The following MXD1 variants were observed in gnomAD, a reference collection of about 807,000 sequenced individuals.
MXD1 encodes MAX-binding protein.
A neutral mutation model predicts 25.7 loss-of-function variants in MXD1; 9 were observed. The observed-to-expected ratio is 0.35, with a 90% CI of 0.21 to 0.61. MXD1 has a LOEUF of 0.61. Ranked by LOEUF, MXD1 falls within the 20% of genes least tolerant of loss-of-function variation. The pLI is 0.75. For missense variants in MXD1, 227 were observed against 292.4 expected (o/e 0.78, Z 1.63); for synonymous variants, 99 against 113.9 (o/e 0.87, Z 0.83).
chr2:69,927,284 G>A (rs1331840648), intron 3 of MXD1, among the ~76,000 whole-genome samples: 2 of 152,206 alleles, frequency 1.3e-5, no homozygotes, highest in Non-Finnish European at 2.9e-5. Flanking sequence ...GGTATGCATT[G>A]CATCACTCTT....
At chr2:69,921,470 T>C (rs1677063181) in intron 2 of MXD1, among the ~76,000 whole-genome samples, 1 of 152,226 alleles carries the variant, frequency 6.6e-6, no homozygotes. Context: ...ACCCCTTTTA[T>C]TTCTTGTCTT....
chr2:69,923,774 TAGTC>T (rs1274545246), intron 3 of MXD1, among the ~76,000 whole-genome samples: 4 of 152,240 alleles, frequency 2.6e-5, no homozygotes, highest in Non-Finnish European at 5.9e-5. Context: ...AGGGGAAAGG[TAGTC>T]AGTTGTGGCT....
chr2:69,937,171 C>CG, intron 4 of MXD1, 64 bp from the exon 5 acceptor site: 1 of 1,587,904 alleles, frequency 6.3e-7, no homozygotes, highest in Non-Finnish European at 8.6e-7. Flanking sequence ...AGGGAAGATG[C>CG]GGGGGCCATT....
In MXD1 at chr2:69,935,429, G is replaced by A. The variant is rs187886106; in HGVS notation, c.282G>A (p.Thr94=). ...GACCCGAATCAAGTCGACACACTAC[G>A]TTGAGTTTATTAACAAAAGCCAAAT... is the stretch of plus-strand genomic sequence containing the variant. The part of the protein sequence containing the change: ...PLGPESSRHT[T]LSLLTKAKLH... The change falls in exon 4 of 6, where the codon ACG becomes ACA. Residue 94 remains threonine, a synonymous_variant. Transcript: ENST00000264444. 78 of 1,614,046 alleles carry A rather than the reference G, an allele frequency of 4.8e-5. No homozygotes were observed. Among genetic ancestry groups the A allele is most frequent in the Admixed American group, 3.5e-4 (21 of 60,008 alleles).
intron 3 of MXD1, among the ~76,000 whole-genome samples, chr2:69,932,633 T>G (rs1019575193): frequency 1.3e-5 from 2 of 152,228 alleles, no homozygotes; most frequent in African/African-American, 4.8e-5. Flanking sequence ...ATTTCTAGTT[T>G]CACGACTAGG....
chr2:69,937,228 C>T lies in MXD1; in HGVS notation c.319-7C>T, dbSNP rs1677471065. 6.2e-7 allele frequency: 1 copy of T among 1,612,648 alleles called. No homozygotes were observed. Among genetic ancestry groups the T allele is most frequent in the Non-Finnish European group, 8.5e-7 (1 of 1,178,980 alleles). On this transcript the variant is annotated splice_region_variant and splice_polypyrimidine_tract_variant and intron_variant, in intron 4 of 5. Transcript: ENST00000264444. ...TGGGGCCCAACAACTACCCCTTTGA[C>T]TTGCAGAAACTTGAAGATTGTGACA...
rs1677585508 is a variant in MXD1 at position 69,941,040 on chromosome 2, T to C, written c.*2756T>C. 6.6e-6 allele frequency: 1 copy of C among 152,396 alleles called. No individual in the cohort carries two copies. Among genetic ancestry groups the C allele is most frequent in the South Asian group, 2.1e-4 (1 of 4,836 alleles). 9.4% of individuals were successfully genotyped at this position (152,396 alleles called of 1,614,324 possible). ...TAGGGATTTTGGGGTTGGGAGGGGA[T>C]GGGCAGAGATATAAACCCCAGCCTT... On this transcript the variant is annotated 3_prime_UTR_variant, in exon 6 of 6. Coordinates refer to ENST00000264444, the MANE Select transcript of MXD1 (RefSeq NM_002357.4).
At chr2:69,935,320 C>G in intron 3 of MXD1, 31 bp from the exon 4 acceptor site, 1 of 1,538,552 alleles carries the variant, frequency 6.5e-7, no homozygotes, top group South Asian at 1.1e-5. Flanking sequence ...CTGTGAAACT[C>G]TCAAATGCTA....
chr2:69,925,248 A>ATGTGTG (rs59577798), intron 3 of MXD1, among the ~76,000 whole-genome samples: 46 of 149,690 alleles, frequency 3.1e-4, no homozygotes, highest in African/African-American at 1.0e-3. Context: ...AGGGTGGGGT[A>ATGTGTG]TGTGTGTGTG....
At chr2:69,933,848 C>A (rs1334748742) in intron 3 of MXD1, among the ~76,000 whole-genome samples, 1 of 152,170 alleles carries the variant, frequency 6.6e-6, no homozygotes, top group Non-Finnish European at 1.5e-5. Flanking sequence ...AAGGGCAAAC[C>A]TATAAGGCAT....
chr2:69,935,499 ACC>A, intron 4 of MXD1, 34 bp downstream of exon 4: 3 of 1,426,786 alleles, frequency 2.1e-6, no homozygotes, highest in Non-Finnish European at 3.0e-6. Context: ...CTTTATCTTT[ACC>A]TGTTCAGTGA....
At chr2:69,927,002 G>A (rs12713682) in intron 3 of MXD1, among the ~76,000 whole-genome samples, 80,964 of 152,068 alleles carry the variant, frequency 0.53, 23,448 homozygotes, top group African/African-American at 0.78. Context: ...CTCTGCCAGA[G>A]TCTTCTGACC....
intron 2 of MXD1, among the ~76,000 whole-genome samples, chr2:69,918,550 T>C (rs939755605): frequency 2.0e-5 from 3 of 152,212 alleles, no homozygotes; most frequent in African/African-American, 4.8e-5. Flanking sequence ...TAAAAGTGTG[T>C]TTTGTTCAAT....
Position 69,937,313 on chromosome 2 carries a change from C to T in MXD1, c.397C>T (p.Leu133=), listed in dbSNP as rs1677473719. The change falls in exon 5 of 6, where the codon CTG becomes TTG. Residue 133 remains leucine (L), a synonymous_variant. Transcript: ENST00000264444. The part of the protein sequence containing the change: ...QREQRHLKRQ[L]EKLGIERIRM... Reference sequence around the variant, plus strand: ...AGAGCAGCGACACCTGAAGAGGCAGCTGGAGAAGCTGGGCATTGAGAGGAT... The same window carrying T: ...AGAGCAGCGACACCTGAAGAGGCAGTTGGAGAAGCTGGGCATTGAGAGGAT... 1.9e-6 allele frequency: 3 copies of T among 1,614,052 alleles called. No homozygotes were observed. The highest frequency in any genetic ancestry group is 2.7e-5 in the African/African-American group (2 of 74,928).
chr2:69,933,210 AAAAAAAAAAAAAAAC>A (rs1484000778), intron 3 of MXD1, among the ~76,000 whole-genome samples: 4 of 151,038 alleles, frequency 2.6e-5, no homozygotes, highest in African/African-American at 9.7e-5. Flanking sequence ...CAAAAAAAAA[AAAAAAAAAAAAAAAC>A]AAAAAAAGAA....
intron 4 of MXD1, among the ~76,000 whole-genome samples, chr2:69,936,113 T>C (rs1677432413): frequency 6.6e-6 from 1 of 151,936 alleles, no homozygotes; most frequent in African/African-American, 2.4e-5. Flanking sequence ...TGGTACACTT[T>C]CCTCTCTCTT....
chr2:69,915,448 T>C lies in MXD1; in HGVS notation c.73+45T>C. 8.0e-7 allele frequency: 1 copy of C among 1,247,754 alleles called. No homozygotes were observed. The highest frequency in any genetic ancestry group is 1.0e-6 in the Non-Finnish European group (1 of 983,832). The allele number at this position is 1,247,754 out of a possible 1,614,324, so 77.3% of individuals were successfully genotyped here. ...GGTCCACTCGAAACGAGGCCGGGGG[T>C]CCTGTGGGGCCGGCCTCAGGTCCGG... On this transcript the variant is annotated intron_variant, in intron 1 of 5. Coordinates refer to ENST00000264444, the MANE Select transcript of MXD1 (RefSeq NM_002357.4). The surrounding 1 kb of genome is among the most constrained non-coding windows in gnomAD (Gnocchi z 5.8).
intron 3 of MXD1, among the ~76,000 whole-genome samples, chr2:69,934,499 C>A (rs1021567040): frequency 1.3e-5 from 2 of 152,202 alleles, no homozygotes; most frequent in African/African-American, 4.8e-5. Context: ...GTCTGACATA[C>A]TCCAAGAACA....
chr2:69,929,089 C>T lies in MXD1; in HGVS notation c.204-6262C>T, dbSNP rs367984887. The stretch of plus-strand genomic sequence containing the variant: ...TTGTATTGTTAGTAGAGATGGGTTT[C>T]GCCATGTTGCCTAGGCTGGTCTCAA... On this transcript the variant is annotated intron_variant, in intron 3 of 5. Coordinates refer to ENST00000264444, the MANE Select transcript of MXD1 (RefSeq NM_002357.4). 3.6e-3 allele frequency among the ~76,000 whole-genome samples: 549 copies of T among 152,224 alleles called. 4 individuals are homozygous for T. The highest frequency in any genetic ancestry group is 0.011 in the African/African-American group (456 of 41,538).
Sources: allele counts gnomAD v4.1 joint callset (sites outside exome capture counted in the v4.1 genomes callset), GRCh38; gene constraint gnomAD v4.1.1; non-coding constraint Gnocchi (gnomAD v3.1); transcripts MANE v1.5; gene names NCBI Gene and HGNC (gene_info 2026-07-23, HGNC 2026-07-21).